Variants in AOPEP observed in about 807,000 individuals in gnomAD.
The protein encoded by AOPEP is aminopeptidase O.
A neutral mutation model predicts 98.1 loss-of-function variants in AOPEP; 77 were observed. The observed-to-expected ratio is 0.78, with a 90% CI of 0.65 to 0.95. The LOEUF (loss-of-function observed/expected upper bound fraction) is 0.95. Ranked by LOEUF, AOPEP falls within the 40% of genes least tolerant of loss-of-function variation. AOPEP has a pLI of 0.00. For missense variants in AOPEP, 1,024 were observed against 1,024.7 expected (o/e 1.00, Z 0.01); for synonymous variants, 346 against 365.3 (o/e 0.95, Z 0.60).
intron 14 of AOPEP, among the ~76,000 whole-genome samples, chr9:95,071,589 C>T (rs1437477320): frequency 6.6e-6 from 1 of 152,058 alleles, no homozygotes; most frequent in Non-Finnish European, 1.5e-5. Context: ...CCAGGATTGC[C>T]GTGGAAGAGA....
chr9:95,142,557 G>T, the AOPEP span: 1 of 152,194 alleles, frequency 6.6e-6, no homozygotes, highest in Non-Finnish European at 1.5e-5. Context: ...TGGTTACGGG[G>T]TATTTACTGT....
At chr9:94,752,754 T>TC (rs1836123316) in intron 1 of AOPEP, among the ~76,000 whole-genome samples, 1 of 152,178 alleles carries the variant, frequency 6.6e-6, no homozygotes, top group Non-Finnish European at 1.5e-5. Flanking sequence ...ACCTTGCTAC[T>TC]CCCCCATCAA....
At chr9:94,852,997 C>T (rs1027428847) in intron 5 of AOPEP, among the ~76,000 whole-genome samples, 5 of 151,946 alleles carry the variant, frequency 3.3e-5, no homozygotes, top group Non-Finnish European at 5.9e-5. Flanking sequence ...TAGAATGAAT[C>T]GAGTAAATAT....
At chr9:95,082,801 A>G (rs2069991685) in intron 16 of AOPEP, 82 bp downstream of exon 16, 1 of 1,505,196 alleles carries the variant, frequency 6.6e-7, no homozygotes, top group South Asian at 1.2e-5. Context: ...TAAGCCGAAT[A>G]GTTAGCCAAG....
intron 1 of AOPEP, among the ~76,000 whole-genome samples, chr9:94,747,926 A>G (rs1834883814): frequency 6.6e-6 from 1 of 152,198 alleles, no homozygotes; most frequent in Non-Finnish European, 1.5e-5. Context: ...GTTTTAGAAT[A>G]TATTTATTTT....
intron 13 of AOPEP, among the ~76,000 whole-genome samples, chr9:95,006,900 A>T (rs926633001): frequency 3.4e-4 from 34 of 99,358 alleles, no homozygotes; most frequent in African/African-American, 1.2e-3. Flanking sequence ...CGTTGCTGTT[A>T]ATTTTTTTTT....
chr9:94,803,189 TA>T (rs1260509971), intron 5 of AOPEP, among the ~76,000 whole-genome samples: 8 of 152,192 alleles, frequency 5.3e-5, no homozygotes, highest in African/African-American at 1.9e-4. Context: ...TTCTTAGTTA[TA>T]ATATGCTGAG....
At chr9:94,993,318 G>A (rs2061010568) in intron 11 of AOPEP, among the ~76,000 whole-genome samples, 1 of 152,200 alleles carries the variant, frequency 6.6e-6, no homozygotes, top group Non-Finnish European at 1.5e-5. Flanking sequence ...AGTCCAGTGA[G>A]TCCAGTTTGC....
intron 13 of AOPEP, among the ~76,000 whole-genome samples, chr9:95,044,854 G>T (rs1181065816): frequency 1.3e-5 from 2 of 152,172 alleles, no homozygotes; most frequent in East Asian, 3.9e-4. Flanking sequence ...GTGGGGGAAG[G>T]GGGAGAGTGG....
At chr9:94,979,786 G>T (rs1372250583) in intron 11 of AOPEP, among the ~76,000 whole-genome samples, 3 of 152,210 alleles carry the variant, frequency 2.0e-5, no homozygotes, top group East Asian at 1.9e-4. Flanking sequence ...AGCAGGTTGA[G>T]GGGGAGCAGT....
At chr9:94,979,637 G>A (rs1033122217) in intron 11 of AOPEP, among the ~76,000 whole-genome samples, 1 of 152,206 alleles carries the variant, frequency 6.6e-6, no homozygotes, top group Admixed American at 6.5e-5. Flanking sequence ...AGTGACCGTG[G>A]TATACGTGGA....
At chr9:95,102,395 A>C in the AOPEP span, among the ~76,000 whole-genome samples, 1 of 152,220 alleles carries the variant, frequency 6.6e-6, no homozygotes, top group South Asian at 2.1e-4. Flanking sequence ...ACACAGCCTC[A>C]AGGCATTCGT....
chr9:95,017,412 T>A (rs1310994978), intron 13 of AOPEP, among the ~76,000 whole-genome samples: 1 of 152,258 alleles, frequency 6.6e-6, no homozygotes, highest in Non-Finnish European at 1.5e-5. Context: ...ACATTGGTAA[T>A]TATTAATGTA....
At chr9:95,110,799 C>T in the AOPEP span, 1 of 1,122,608 alleles carries the variant, frequency 8.9e-7, no homozygotes, top group African/African-American at 1.6e-5. Context: ...AAGGGAGGTG[C>T]CAATGCCTTT....
intron 4 of AOPEP, among the ~76,000 whole-genome samples, chr9:94,795,484 G>C: frequency 6.6e-6 from 1 of 152,202 alleles, no homozygotes; most frequent in Admixed American, 6.5e-5. Flanking sequence ...TCAAATTCTT[G>C]ATGGTGAAGA....
chr9:94,834,765 C>T (rs2041349886), intron 5 of AOPEP, among the ~76,000 whole-genome samples: 1 of 152,066 alleles, frequency 6.6e-6, no homozygotes, highest in African/African-American at 2.4e-5. Flanking sequence ...TGCACTTCAG[C>T]CTGGGCAACA....
chr9:94,835,456 A>G (rs750864228), intron 5 of AOPEP, among the ~76,000 whole-genome samples: 4 of 152,224 alleles, frequency 2.6e-5, no homozygotes, highest in Non-Finnish European at 5.9e-5. Flanking sequence ...TGATGGATGG[A>G]AAGGGATACA....
intron 7 of AOPEP, among the ~76,000 whole-genome samples, chr9:94,931,219 A>T (rs952130546): frequency 1.3e-5 from 2 of 152,012 alleles, no homozygotes; most frequent in African/African-American, 2.4e-5. Flanking sequence ...GATGGCCAAG[A>T]TCTTTTCCTT....
intron 5 of AOPEP, among the ~76,000 whole-genome samples, chr9:94,831,403 A>G (rs554721012): frequency 6.6e-6 from 1 of 151,872 alleles, no homozygotes; most frequent in Non-Finnish European, 1.5e-5. Flanking sequence ...GTTCTGTTCT[A>G]TTGGTCTGTG....
Sources: gnomAD v4.1 joint callset for allele counts (sites outside exome capture counted in the v4.1 genomes callset) on GRCh38, gnomAD v4.1.1 for gene constraint, MANE v1.5 for transcripts, NCBI Gene and HGNC (gene_info 2026-07-23, HGNC 2026-07-21) for gene names.